Variants in ZNF780B observed in about 807,000 individuals in gnomAD.
ZNF780B encodes the protein zinc finger protein 780B, also known as zinc finger protein 779.
Under a neutral mutation model 74.1 loss-of-function variants are expected in ZNF780B, and 52 were observed. That is an observed-to-expected ratio of 0.70 (90% confidence interval 0.56 to 0.88). The LOEUF is 0.88. Ranked by LOEUF, ZNF780B falls within the 40% of genes least tolerant of loss-of-function variation. ZNF780B has a pLI of 0.00. For missense variants in ZNF780B, 953 were observed against 1,007.6 expected, an observed-to-expected ratio of 0.95 and a Z score of 0.73; for synonymous variants, 315 against 324.3, an observed-to-expected ratio of 0.97 and a Z score of 0.31.
chr19:40,054,090 T>C (rs1454164685), intron 1 of ZNF780B, among the ~76,000 whole-genome samples: 3 of 152,012 alleles, frequency 2.0e-5, no homozygotes, highest in African/African-American at 7.2e-5. Flanking sequence ...GAGGCAGAGG[T>C]TGCAGTGAAC....
At position 40,034,244 on chromosome 19, in the gene ZNF780B, T is replaced by C; in HGVS notation, c.*113A>G. 1 of 917,692 alleles carries C rather than the reference T, an allele frequency of 1.1e-6. No individual in the cohort carries two copies. The highest frequency in any genetic ancestry group is 1.7e-5 in the South Asian group (1 of 58,350). The allele number at this position is 917,692 out of a possible 1,614,324, so 56.8% of individuals were successfully genotyped here. A position where few individuals can be genotyped will look rare whatever the true frequency, so the allele number is the denominator to read the frequency against. On this transcript the variant is annotated 3_prime_UTR_variant, in exon 5 of 5. Transcript: ENST00000434248. Reference sequence around the variant, plus strand: ...TAAGGTTTCTACCACTGGTAAAGCATTTCCCACATCCTTGACATTCATAAG... The same window carrying C: ...TAAGGTTTCTACCACTGGTAAAGCACTTCCCACATCCTTGACATTCATAAG...
chr19:40,049,687 C>A (rs1397390353), intron 2 of ZNF780B, among the ~76,000 whole-genome samples: 1 of 152,190 alleles, frequency 6.6e-6, no homozygotes, highest in African/African-American at 2.4e-5. Context: ...TCATCTGTAA[C>A]TTATCAAACC....
Position 40,030,805 on chromosome 19 carries a change from GTGCTAGGTTAATACCCAGGGACTC to G in ZNF780B, c.*3528_*3551del. On this transcript the variant is annotated 3_prime_UTR_variant, in exon 5 of 5. Coordinates refer to ENST00000434248, the MANE Select transcript of ZNF780B (RefSeq NM_001005851.3). ...ATGTGCAATGACCCAGAAAGGAGTT[GTGCTAGGTTAATACCCAGGGACTC>G]TGCTGATTTCAAAGAAGAAAGTTCA... 1 of 152,278 alleles carries G rather than the reference GTGCTAGGTTAATACCCAGGGACTC, an allele frequency of 6.6e-6. No individual in the cohort carries two copies. Among genetic ancestry groups the G allele is most frequent in the South Asian group, 2.1e-4 (1 of 4,816 alleles). The allele number at this position is 152,278 out of a possible 1,614,324, so 9.4% of individuals were successfully genotyped here. A position where few individuals can be genotyped will look rare whatever the true frequency, so the allele number is the denominator to read the frequency against.
chr19:40,046,832 G>A (rs149460900), intron 4 of ZNF780B, among the ~76,000 whole-genome samples: 123 of 152,292 alleles, frequency 8.1e-4, no homozygotes, highest in African/African-American at 2.2e-3. Context: ...CTAGGAATGC[G>A]CACTCTATAC....
chr19:40,052,511 G>A (rs2144844973), intron 1 of ZNF780B, among the ~76,000 whole-genome samples: 1 of 151,828 alleles, frequency 6.6e-6, no homozygotes, highest in Non-Finnish European at 1.5e-5. Flanking sequence ...TGGTCCCCAA[G>A]ACCATACGTG....
At chr19:40,049,060 G>GAA (rs374744126) in intron 2 of ZNF780B, 230 of 258,886 alleles carry the variant, frequency 8.9e-4, no homozygotes, top group South Asian at 1.7e-3. Context: ...GCACTCCCTG[G>GAA]AAAAAAAAAA....
At chr19:40,054,327 C>T (rs78344990) in intron 1 of ZNF780B, among the ~76,000 whole-genome samples, 2,012 of 152,176 alleles carry the variant, frequency 0.013, 33 homozygotes, top group South Asian at 0.052. Context: ...TACACAACAA[C>T]GTATCTACTA....
chr19:40,036,407 G>C lies in ZNF780B; in HGVS notation c.452C>G (p.Ala151Gly). Residue 151 changes from alanine (A) to glycine (G), a missense_variant, in exon 5 of 5, where the codon GCT becomes GGT. Coordinates refer to ENST00000434248, the MANE Select transcript of ZNF780B (RefSeq NM_001005851.3). ...QKIISYEEMP[A>G]YTHASPIHNT... ...ATGAATAGGAGAAGCATGAGTATAA[G>C]CAGGCATTTCTTCATAGCTGATGAT... The C allele has an allele frequency of 6.2e-7, 1 of 1,609,338 alleles. No homozygotes were observed. The highest frequency in any genetic ancestry group is 8.5e-7 in the Non-Finnish European group (1 of 1,178,544).
At chr19:40,055,087 C>G (rs1426169549) in intron 1 of ZNF780B, among the ~76,000 whole-genome samples, 2 of 152,192 alleles carry the variant, frequency 1.3e-5, no homozygotes, top group Non-Finnish European at 2.9e-5. Context: ...AGTCAGAAAC[C>G]TGGCGTGTGA....
rs1201130958 is a variant in ZNF780B at position 40,050,358 on chromosome 19, A to G, written c.-26T>C. 5 of 1,591,038 alleles carry G rather than the reference A, an allele frequency of 3.1e-6. No individual in the cohort carries two copies. Among genetic ancestry groups the G allele is most frequent in the Non-Finnish European group, 3.4e-6 (4 of 1,174,914 alleles). On this transcript the variant is annotated 5_prime_UTR_variant, in exon 2 of 5. Coordinates refer to ENST00000434248, the MANE Select transcript of ZNF780B (RefSeq NM_001005851.3). ...GTTTCTAGAATTACAAAATTGGTCAATCTTCCTCGGGCTTCTCCCCTGGAA... is the reference window on the plus strand; with the variant it reads ...GTTTCTAGAATTACAAAATTGGTCAGTCTTCCTCGGGCTTCTCCCCTGGAA...
rs772499110 is a variant in ZNF780B at position 40,035,208 on chromosome 19, G to A, written c.1651C>T (p.His551Tyr). 6 of 1,613,820 alleles carry A rather than the reference G, an allele frequency of 3.7e-6. No homozygotes were observed. The South Asian group carries it at 6.6e-5, about 18-fold the overall frequency. Residue 551 changes from histidine (H) to tyrosine (Y), a missense_variant, in exon 5 of 5, where the codon CAT becomes TAT. His to Tyr is a moderately conservative substitution (Grantham distance 83). Coordinates refer to ENST00000434248, the MANE Select transcript of ZNF780B (RefSeq NM_001005851.3). The stretch of plus-strand genomic sequence containing the variant: ...CATTCAAAGGGTTTCTCACCTGTAT[G>A]AGTTTTCTCATGTTGAGAAAGTTGT... ...HLQLSQHEKTHTGEKPFECKE... is the reference protein window; with the variant it reads ...HLQLSQHEKTYTGEKPFECKE...
intron 4 of ZNF780B, among the ~76,000 whole-genome samples, chr19:40,036,931 G>A (rs375147689): frequency 1.4e-4 from 21 of 147,736 alleles, no homozygotes; most frequent in Non-Finnish European, 2.2e-4. Context: ...TTTTTAAGAC[G>A]AAGTTTCACT....
intron 2 of ZNF780B, among the ~76,000 whole-genome samples, chr19:40,049,969 AG>A (rs1973131152): frequency 6.6e-6 from 1 of 152,020 alleles, no homozygotes; most frequent in Non-Finnish European, 1.5e-5. Context: ...AGGCCAAGGC[AG>A]GGGGATCATG....
Position 40,037,913 on chromosome 19 carries a change from T to A in ZNF780B, c.233-1287A>T, listed in dbSNP as rs553745911. Among the ~76,000 whole-genome samples, 102 of 150,052 alleles carry A rather than the reference T, an allele frequency of 6.8e-4. No individual in the cohort carries two copies. In the South Asian group the frequency reaches 7.7e-3, roughly 11 times the overall value. On this transcript the variant is annotated intron_variant, in intron 4 of 4. Transcript: ENST00000434248. ...TTCTGTTTATATATATATATTTTTT[T>A]AATTTTATTATTATTATACTTTAAA...
At chr19:40,044,187 A>T (rs780963012) in intron 4 of ZNF780B, among the ~76,000 whole-genome samples, 1 of 152,250 alleles carries the variant, frequency 6.6e-6, no homozygotes, top group Admixed American at 6.5e-5. Flanking sequence ...AGAGACAAAG[A>T]GAAAACATAA....
chr19:40,037,506 C>T (rs1042448779), intron 4 of ZNF780B, among the ~76,000 whole-genome samples: 1 of 152,210 alleles, frequency 6.6e-6, no homozygotes, highest in Non-Finnish European at 1.5e-5. Context: ...GAACTCCTGG[C>T]ATCAAGCAAT....
At position 40,035,283 on chromosome 19, in the gene ZNF780B, C is replaced by G; in HGVS notation, c.1576G>C (p.Glu526Gln). 6.2e-7 allele frequency: 1 copy of G among 1,614,104 alleles called. No individual in the cohort carries two copies. The highest frequency in any genetic ancestry group is 8.5e-7 in the Non-Finnish European group (1 of 1,180,034). ...CACTCCTTACATTCATAGGGCTTCT[C>G]ACCAGTGTGAATACTCTGATGTTGA... ...LVQHQSIHTG[E>Q]KPYECKECGK... The change falls in exon 5 of 5, where the codon GAG becomes CAG. Residue 526 changes from glutamate (E) to glutamine (Q), a missense_variant. Transcript: ENST00000434248.
chr19:40,055,733 C>T (rs1203332907), intron 1 of ZNF780B, among the ~76,000 whole-genome samples: 1 of 152,182 alleles, frequency 6.6e-6, no homozygotes, highest in African/African-American at 2.4e-5. Flanking sequence ...ATATTCCCAC[C>T]CCGAGTCCAG....
In ZNF780B at chr19:40,035,728, A is replaced by G. The variant is rs1372314389; in HGVS notation, c.1131T>C (p.Asn377=). Residue 377 remains asparagine, a synonymous_variant, in exon 5 of 5, where the codon AAT becomes AAC. Coordinates refer to ENST00000434248, the MANE Select transcript of ZNF780B (RefSeq NM_001005851.3). ...GKAFSLLNQL[N]RHKNIHTGEK... ...CACCTGTGTGAATATTCTTATGGCG[A>G]TTAAGCTGATTGAGGAGACTAAAGG... 6.2e-7 allele frequency: 1 copy of G among 1,614,134 alleles called. No individual in the cohort carries two copies.
Sources: allele counts gnomAD v4.1 joint callset (sites outside exome capture counted in the v4.1 genomes callset), GRCh38; gene constraint gnomAD v4.1.1; transcripts MANE v1.5; gene names NCBI Gene and HGNC (gene_info 2026-07-23, HGNC 2026-07-21).